Variants in ATP11A observed in about 807,000 individuals in gnomAD.
The protein encoded by ATP11A is ATPase phospholipid transporting 11A.
In ATP11A, 81 loss-of-function variants were observed where a neutral mutation model predicts 154.4. That is an observed-to-expected ratio of 0.52 (90% confidence interval 0.44 to 0.63). The LOEUF is 0.63. Ranked by LOEUF, ATP11A falls within the 30% of genes least tolerant of loss-of-function variation. ATP11A has a pLI of 0.00. For missense variants in ATP11A, 1,316 were observed against 1,474.3 expected (o/e 0.89, Z 1.76); for synonymous variants, 623 against 585.9 (o/e 1.06, Z -0.91).
At chr13:112,730,158 G>A (rs541210637) in intron 1 of ATP11A, among the ~76,000 whole-genome samples, 23 of 152,332 alleles carry the variant, frequency 1.5e-4, no homozygotes, top group Middle Eastern at 6.8e-3. Context: ...CATGGGAGCC[G>A]TGGGGCTGGT....
chr13:112,789,589 G>A (rs1371409513), intron 2 of ATP11A, among the ~76,000 whole-genome samples: 1 of 146,304 alleles, frequency 6.8e-6, no homozygotes, highest in Non-Finnish European at 1.5e-5. Flanking sequence ...CCGGTGTCCT[G>A]ACGCGTAGAC....
rs1174289266 is a variant in ATP11A, at chr13:112,690,376, CG to C, written c.-36del. 8.7e-6 allele frequency: 11 copies of C among 1,259,018 alleles called. No homozygotes were observed. Among genetic ancestry groups the C allele is most frequent in the Non-Finnish European group, 1.1e-5 (11 of 1,002,524 alleles). 78.0% of individuals were successfully genotyped at this position (1,259,018 alleles called of 1,614,324 possible). On this transcript the variant is annotated 5_prime_UTR_variant, in exon 1 of 30. It removes the in-frame stop codon of an upstream open reading frame in the 5' UTR. Transcript: ENST00000375645. This position sits in a 1 kb window ranked among gnomAD's most constrained non-coding sequence, Gnocchi z 5.6. The stretch of plus-strand genomic sequence containing the variant: ...GCCCATGGGCGCGCCGAGCCGGGCG[CG>C]GGGGCGCTGAACGGCGGAGCGGGAG...
At chr13:112,825,806 A>G (rs1264806726) in intron 11 of ATP11A, among the ~76,000 whole-genome samples, 1 of 152,268 alleles carries the variant, frequency 6.6e-6, no homozygotes, top group Non-Finnish European at 1.5e-5. Flanking sequence ...CAGTGAAATC[A>G]TCAGGACAAT....
chr13:112,877,222 A>C (rs908766598), intron 28 of ATP11A, among the ~76,000 whole-genome samples: 1 of 152,132 alleles, frequency 6.6e-6, no homozygotes, highest in African/African-American at 2.4e-5. Context: ...AGACAGTGGG[A>C]GCAGGAGCCG....
chr13:112,735,318 G>A (rs181828172), intron 1 of ATP11A, among the ~76,000 whole-genome samples: 20 of 152,244 alleles, frequency 1.3e-4, no homozygotes, highest in African/African-American at 4.3e-4. Context: ...TGAGTGCCCC[G>A]AAAGCCGGGC....
At chr13:112,871,586 G>A in intron 25 of ATP11A, 149 bp from the exon 26 acceptor site, 1 of 722,362 alleles carries the variant, frequency 1.4e-6, no homozygotes, top group South Asian at 1.7e-5. Flanking sequence ...TTCTTTTACG[G>A]GATAATAAGA....
At chr13:112,791,656 G>A (rs968870653) in intron 2 of ATP11A, among the ~76,000 whole-genome samples, 2 of 152,076 alleles carry the variant, frequency 1.3e-5, no homozygotes, top group African/African-American at 2.4e-5. Context: ...TGTCCGTTTC[G>A]AACGTCACTG....
At chr13:112,798,708 C>G (rs955112736) in intron 2 of ATP11A, among the ~76,000 whole-genome samples, 5 of 152,040 alleles carry the variant, frequency 3.3e-5, no homozygotes, top group African/African-American at 1.2e-4. Context: ...ATAGTCACAT[C>G]AAATGCTTAA....
chr13:112,882,004 C>T lies in ATP11A; in HGVS notation c.*138C>T, dbSNP rs551349536. ...CACCCATCCTCGGCGGTTCCCATCACCACTGCAGTTCCATCCCAAGTCACA... is the reference window on the plus strand; with the variant it reads ...CACCCATCCTCGGCGGTTCCCATCATCACTGCAGTTCCATCCCAAGTCACA... On this transcript the variant is annotated 3_prime_UTR_variant, in exon 30 of 30. Coordinates refer to ENST00000375645, the MANE Select transcript of ATP11A (RefSeq NM_015205.3). This position sits in a 1 kb window ranked among gnomAD's most constrained non-coding sequence, Gnocchi z 5.1. The T allele has an allele frequency of 3.7e-6, 5 of 1,367,876 alleles. No homozygotes were observed. In the East Asian group the frequency reaches 2.3e-4, roughly 62 times the overall value. The allele number at this position is 1,367,876 out of a possible 1,614,324, so 84.7% of individuals were successfully genotyped here.
chr13:112,765,249 C>T (rs1007394159), intron 1 of ATP11A, among the ~76,000 whole-genome samples: 13 of 151,368 alleles, frequency 8.6e-5, no homozygotes, highest in Admixed American at 2.6e-4. Flanking sequence ...AGGGGTGGCC[C>T]GGGCAGTTCC....
intron 29 of ATP11A, chr13:112,880,652 A>G: frequency 1.5e-6 from 2 of 1,291,582 alleles, no homozygotes; most frequent in Non-Finnish European, 1.0e-6. Context: ...CACGCTAGGT[A>G]ACTGTGCGGC....
chr13:112,695,003 G>T (rs1195919027), intron 1 of ATP11A, among the ~76,000 whole-genome samples: 1 of 152,154 alleles, frequency 6.6e-6, no homozygotes, highest in African/African-American at 2.4e-5. Flanking sequence ...GTGAACATCA[G>T]TGTTCAACTG....
At chr13:112,845,520 G>A (rs372312531) in intron 17 of ATP11A, among the ~76,000 whole-genome samples, 1 of 117,022 alleles carries the variant, frequency 8.5e-6, no homozygotes, top group Non-Finnish European at 1.7e-5. Context: ...GCCGGCACTA[G>A]CGGTACTAAC....
chr13:112,870,089 G>A (rs2080465443), intron 25 of ATP11A, among the ~76,000 whole-genome samples: 1 of 152,138 alleles, frequency 6.6e-6, no homozygotes. Flanking sequence ...GTAGATCTGA[G>A]TGACACTGTA....
intron 1 of ATP11A, among the ~76,000 whole-genome samples, chr13:112,708,043 C>T (rs943918970): frequency 6.6e-6 from 1 of 152,198 alleles, no homozygotes; most frequent in African/African-American, 2.4e-5. Context: ...CCCAACCGCA[C>T]GTCACGCAAC....
intron 2 of ATP11A, among the ~76,000 whole-genome samples, chr13:112,789,498 T>C (rs971018987): frequency 6.7e-6 from 1 of 149,720 alleles, no homozygotes; most frequent in African/African-American, 2.5e-5. Flanking sequence ...TGTCCTGATG[T>C]GTAGACCCTT....
At position 112,858,239 on chromosome 13, in the gene ATP11A, G is replaced by A; in HGVS notation, c.2616G>A (p.Gly872=). The A allele has an allele frequency of 1.9e-6, 3 of 1,614,046 alleles. No homozygotes were observed. The highest frequency in any genetic ancestry group is 1.1e-5 in the South Asian group (1 of 91,084). ...KHLKKMLLVH[G]HFYYIRISEL... Reference sequence around the variant, plus strand: ...TGAAGAAGATGCTGCTTGTTCACGGGCATTTTTATTACATTAGGATCTCTG... The same window carrying A: ...TGAAGAAGATGCTGCTTGTTCACGGACATTTTTATTACATTAGGATCTCTG... Residue 872 remains glycine (G), a synonymous_variant, in exon 22 of 30, where the codon GGG becomes GGA. Transcript: ENST00000375645.
intron 1 of ATP11A, among the ~76,000 whole-genome samples, chr13:112,744,955 G>A (rs780808791): frequency 6.6e-6 from 1 of 152,212 alleles, no homozygotes; most frequent in African/African-American, 2.4e-5. Flanking sequence ...AAAATAGTAC[G>A]TGGCACACAG....
chr13:112,755,317 C>T (rs1594560678), intron 1 of ATP11A, among the ~76,000 whole-genome samples: 1 of 152,250 alleles, frequency 6.6e-6, no homozygotes, highest in African/African-American at 2.4e-5. Flanking sequence ...TGCACAGTCC[C>T]ACCCTCTCCT....
Sources: allele counts gnomAD v4.1 joint callset (sites outside exome capture counted in the v4.1 genomes callset), GRCh38; gene constraint gnomAD v4.1.1; non-coding constraint Gnocchi (gnomAD v3.1); transcripts MANE v1.5; gene names NCBI Gene and HGNC (gene_info 2026-07-23, HGNC 2026-07-21).